Variants in RELN observed in about 807,000 individuals in gnomAD.
The protein encoded by RELN is reelin.
A neutral mutation model predicts 427.6 loss-of-function variants in RELN; 108 were observed. That is an observed-to-expected ratio of 0.25 (90% confidence interval 0.22 to 0.30). The LOEUF (loss-of-function observed/expected upper bound fraction) is 0.30, where lower values mean the gene tolerates loss of function less well. RELN is among the 10% of genes least tolerant of loss of function. The probability of loss-of-function intolerance (pLI) is 1.00; values close to 1 mark genes in which losing one functional copy is unlikely to be tolerated. For missense variants in RELN, 3,715 were observed against 4,302.8 expected, an observed-to-expected ratio of 0.86 and a Z score of 3.82; for synonymous variants, 1,524 against 1,513.4, an observed-to-expected ratio of 1.01 and a Z score of -0.16.
chr7:103,817,334 AT>A (rs1215326947), intron 3 of RELN, among the ~76,000 whole-genome samples: 2 of 152,198 alleles, frequency 1.3e-5, no homozygotes, highest in Non-Finnish European at 2.9e-5. Flanking sequence ...TGATTTATAA[AT>A]CCATTAATTG....
chr7:103,931,443 G>C (rs184553698), intron 1 of RELN, among the ~76,000 whole-genome samples: 1 of 152,124 alleles, frequency 6.6e-6, no homozygotes, highest in Non-Finnish European at 1.5e-5. Flanking sequence ...TCTCAAAATA[G>C]TTGTGTACAC....
At chr7:103,574,599 T>A (rs2117206315) in intron 29 of RELN, among the ~76,000 whole-genome samples, 1 of 152,296 alleles carries the variant, frequency 6.6e-6, no homozygotes, top group African/African-American at 2.4e-5. Context: ...GAGAAACAGA[T>A]TTCATCCACA....
rs1308586867 is a variant in RELN, at chr7:103,889,490, A to G, written c.337+27585T>C. Among the ~76,000 whole-genome samples, 5 of 152,198 alleles carry G rather than the reference A, an allele frequency of 3.3e-5. No homozygotes were observed. The South Asian group carries it at 1.0e-3, about 32-fold the overall frequency. ...ATACAATTTTATACTTCTGAGAGTC[A>G]AGAGGGTTTAGTGAGCCTAGCGTAA... On this transcript the variant is annotated intron_variant, in intron 2 of 64. Coordinates refer to ENST00000428762, the MANE Select transcript of RELN (RefSeq NM_005045.4).
chr7:103,628,916 G>C (rs1436483389), intron 20 of RELN, among the ~76,000 whole-genome samples: 2 of 152,126 alleles, frequency 1.3e-5, no homozygotes, highest in Non-Finnish European at 2.9e-5. Flanking sequence ...TAAAAGATCT[G>C]GCCTCTGCAC....
At position 103,963,152 on chromosome 7, in the gene RELN, G is replaced by A. The variant is rs1403299833; in HGVS notation, c.226+25979C>T. 1.1e-4 allele frequency among the ~76,000 whole-genome samples: 5 copies of A among 45,364 alleles called. No homozygotes were observed. In the South Asian group the frequency reaches 1.6e-3, roughly 14 times the overall value. The allele number at this position is 45,364 out of a possible 152,430, so 29.8% of individuals were successfully genotyped here. On this transcript the variant is annotated intron_variant, in intron 1 of 64. Transcript: ENST00000428762. ...TCGCCTTCTTTTTTTTTTCTCATTG[G>A]CGCTTTCTACTCATTTCTCTTCCTC...
At chr7:103,906,700 A>G (rs965290206) in intron 2 of RELN, among the ~76,000 whole-genome samples, 8 of 152,164 alleles carry the variant, frequency 5.3e-5, no homozygotes, top group Non-Finnish European at 1.0e-4. Context: ...TATATTTGAC[A>G]TAGCTTGGCT....
chr7:103,557,208 G>A (rs1830544515), intron 37 of RELN, 49 bp from the exon 38 acceptor site: 2 of 1,444,030 alleles, frequency 1.4e-6, no homozygotes, highest in South Asian at 2.3e-5. Context: ...TAAAAATGGG[G>A]AAATGGTATG....
At chr7:103,903,413 T>C (rs76079892) in intron 2 of RELN, among the ~76,000 whole-genome samples, 1 of 152,224 alleles carries the variant, frequency 6.6e-6, no homozygotes, top group East Asian at 1.9e-4. Flanking sequence ...CATGAGAAAG[T>C]ATCCCATGTA....
At chr7:103,901,354 C>A (rs1795081452) in intron 2 of RELN, among the ~76,000 whole-genome samples, 1 of 151,908 alleles carries the variant, frequency 6.6e-6, no homozygotes, top group African/African-American at 2.4e-5. Context: ...GGCAGTTCTT[C>A]AAAAAATTAA....
intron 1 of RELN, among the ~76,000 whole-genome samples, chr7:103,927,836 G>T (rs1272507985): frequency 6.6e-6 from 1 of 152,106 alleles, no homozygotes; most frequent in Admixed American, 6.6e-5. Context: ...GATGTCTTGA[G>T]GCCTAGGAGT....
In RELN at chr7:103,891,129, C is replaced by A. The variant is rs76154936; in HGVS notation, c.337+25946G>T. 7.3e-3 allele frequency among the ~76,000 whole-genome samples: 1,111 copies of A among 152,090 alleles called. 19 individuals are homozygous for A. Among genetic ancestry groups the A allele is most frequent in the African/African-American group, 0.026 (1,066 of 41,498 alleles). The stretch of plus-strand genomic sequence containing the variant: ...AACAAAAAGAAAGTGGAATTCCATC[C>A]AAGTGTTTATTTGCTAGAGAAGACA... On this transcript the variant is annotated intron_variant, in intron 2 of 64. Transcript: ENST00000428762.
intron 28 of RELN, among the ~76,000 whole-genome samples, chr7:103,586,458 C>T (rs1339943577): frequency 6.6e-6 from 1 of 152,108 alleles, no homozygotes; most frequent in African/African-American, 2.4e-5. Flanking sequence ...AAAATCATTC[C>T]TTCCAAGAAC....
rs34015200 is a variant in RELN at position 103,604,831 on chromosome 7, C to CTTTT, written c.3009-352_3009-349dup. Among the ~76,000 whole-genome samples, 9 of 138,718 alleles carry CTTTT rather than the reference C, an allele frequency of 6.5e-5. 1 individual carries two copies. The highest frequency in any genetic ancestry group is 2.3e-4 in the South Asian group (1 of 4,420). The allele number at this position is 138,718 out of a possible 152,430, so 91.0% of individuals were successfully genotyped here. ...CATCTACTAAACTGAACCTATCTTTCTTTTTTTTTTTTTTTTGAGACAGAG... is the reference window on the plus strand; with the variant it reads ...CATCTACTAAACTGAACCTATCTTTCTTTTTTTTTTTTTTTTTTTTGAGACAGAG... On this transcript the variant is annotated intron_variant, in intron 22 of 64. Coordinates refer to ENST00000428762, the MANE Select transcript of RELN (RefSeq NM_005045.4).
chr7:103,635,912 A>C (rs1174498497), intron 18 of RELN, among the ~76,000 whole-genome samples: 1 of 152,220 alleles, frequency 6.6e-6, no homozygotes, highest in African/African-American at 2.4e-5. Flanking sequence ...GTTGTAGAGT[A>C]AATCTAATCA....
intron 22 of RELN, among the ~76,000 whole-genome samples, chr7:103,606,431 G>A (rs139046718): frequency 9.2e-5 from 14 of 152,314 alleles, no homozygotes; most frequent in African/African-American, 3.1e-4. Flanking sequence ...CTTAGCAGCT[G>A]TGTGACCTTT....
At position 103,969,959 on chromosome 7, in the gene RELN, T is replaced by C. The variant is rs75771674; in HGVS notation, c.226+19172A>G. Among the ~76,000 whole-genome samples the C allele has an allele frequency of 7.7e-3, 1,168 of 152,220 alleles. 15 individuals carry two copies. Among genetic ancestry groups the C allele is most frequent in the African/African-American group, 0.026 (1,082 of 41,540 alleles). ...ATAGTCTATCCTCATTATTCACAGA[T>C]TCCTTATTTACGAATTTATCTGTAA... On this transcript the variant is annotated intron_variant, in intron 1 of 64. Transcript: ENST00000428762.
At chr7:103,633,902 T>A (rs533375894) in intron 19 of RELN, among the ~76,000 whole-genome samples, 35 of 152,228 alleles carry the variant, frequency 2.3e-4, no homozygotes, top group Admixed American at 1.9e-3. Flanking sequence ...TAGGATTCAT[T>A]TGTCTCTACT....
chr7:103,588,815 C>T (rs1429832676), intron 28 of RELN, among the ~76,000 whole-genome samples: 1 of 152,156 alleles, frequency 6.6e-6, no homozygotes, highest in Non-Finnish European at 1.5e-5. Flanking sequence ...TACAAGAAAT[C>T]TCCCCCACCA....
chr7:103,842,709 C>T (rs73181912), intron 2 of RELN, among the ~76,000 whole-genome samples: 9,143 of 152,132 alleles, frequency 0.06, 540 homozygotes, highest in East Asian at 0.29. Flanking sequence ...TTTAAGAAGC[C>T]AAAAAGCACT....
Sources: allele counts gnomAD v4.1 joint callset (sites outside exome capture counted in the v4.1 genomes callset), GRCh38; gene constraint gnomAD v4.1.1; transcripts MANE v1.5; gene names NCBI Gene and HGNC (gene_info 2026-07-23, HGNC 2026-07-21).